GRID2: variants seen among roughly 807,000 people sequenced by gnomAD.
GRID2 encodes glutamate receptor ionotropic, delta-2.
Under a neutral mutation model 114.8 loss-of-function variants are expected in GRID2, and 33 were observed. The observed-to-expected ratio is 0.29, with a 90% CI of 0.22 to 0.38. The LOEUF (loss-of-function observed/expected upper bound fraction) is 0.38, where lower values mean the gene tolerates loss of function less well. Among genes scored for constraint, GRID2 ranks in the 10% least tolerant of loss-of-function variants. The probability of loss-of-function intolerance (pLI) is 1.00; values close to 1 mark genes in which losing one functional copy is unlikely to be tolerated. For missense variants in GRID2, 1,184 were observed against 1,257.7 expected, an observed-to-expected ratio of 0.94 and a Z score of 0.89; for synonymous variants, 505 against 449.9, an observed-to-expected ratio of 1.12 and a Z score of -1.55.
chr4:93,093,900 A>C (rs970197073), intron 3 of GRID2, among the ~76,000 whole-genome samples: 3 of 152,200 alleles, frequency 2.0e-5, no homozygotes, highest in Admixed American at 2.0e-4. Flanking sequence ...TAAGCAAGGC[A>C]CTTTCTGTTT....
In GRID2 at chr4:92,919,135, G is replaced by A. The variant is rs570417245; in HGVS notation, c.245-165860G>A. ...TTTTTCTAGATTTTCTAGTTTATTTGTGTAGAGGTGTTTATACTATTCTCT... is the reference window on the plus strand; with the variant it reads ...TTTTTCTAGATTTTCTAGTTTATTTATGTAGAGGTGTTTATACTATTCTCT... On this transcript the variant is annotated intron_variant, in intron 2 of 15. Transcript: ENST00000282020. Among the ~76,000 whole-genome samples, 12 of 152,236 alleles carry A rather than the reference G, an allele frequency of 7.9e-5. No homozygotes were observed. In the South Asian group the frequency reaches 2.3e-3, roughly 29 times the overall value.
In GRID2 at chr4:92,609,972, A is replaced by T. The variant is rs866248902; in HGVS notation, c.244+19686A>T. 3.3e-5 allele frequency among the ~76,000 whole-genome samples: 5 copies of T among 151,698 alleles called. No individual in the cohort carries two copies. The South Asian group carries it at 8.3e-4, about 25-fold the overall frequency. On this transcript the variant is annotated intron_variant, in intron 2 of 15. Transcript: ENST00000282020. ...CTATTATCTGTTACCATAATTTAAT[A>T]AACTTTTCATCCACAATGTTAAACT...
At chr4:93,071,833 A>G (rs550814692) in intron 2 of GRID2, among the ~76,000 whole-genome samples, 173 of 152,324 alleles carry the variant, frequency 1.1e-3, no homozygotes, top group African/African-American at 4.0e-3. Flanking sequence ...TGCCTGAATG[A>G]CAAAGCTGTC....
chr4:93,796,190 T>G (rs1162448331), intron 1 of GRID2, among the ~76,000 whole-genome samples: 2 of 152,018 alleles, frequency 1.3e-5, no homozygotes, highest in Non-Finnish European at 1.5e-5. Context: ...ACTATTTGAT[T>G]AGGTCAGACC....
At chr4:92,551,822 C>T (rs898497382) in intron 1 of GRID2, among the ~76,000 whole-genome samples, 1 of 151,956 alleles carries the variant, frequency 6.6e-6, no homozygotes, top group Non-Finnish European at 1.5e-5. Flanking sequence ...AGGGCCTCTA[C>T]TGGAAAGATG....
chr4:93,750,890 A>C (rs1578733365), intron 14 of GRID2, among the ~76,000 whole-genome samples: 1 of 152,202 alleles, frequency 6.6e-6, no homozygotes, highest in Admixed American at 6.5e-5. Flanking sequence ...ATAAGGATGA[A>C]ATATTATCTT....
At chr4:92,537,071 G>T (rs1341048737) in intron 1 of GRID2, among the ~76,000 whole-genome samples, 1 of 152,102 alleles carries the variant, frequency 6.6e-6, no homozygotes, top group Non-Finnish European at 1.5e-5. Flanking sequence ...AACCAAGCAT[G>T]AATTTACACT....
chr4:92,943,065 G>A lies in GRID2; in HGVS notation c.245-141930G>A, dbSNP rs1022456561. Among the ~76,000 whole-genome samples the A allele has an allele frequency of 6.6e-5, 10 of 152,014 alleles. No individual in the cohort carries two copies. In the East Asian group the frequency reaches 1.2e-3, roughly 18 times the overall value. On this transcript the variant is annotated intron_variant, in intron 2 of 15. Coordinates refer to ENST00000282020, the MANE Select transcript of GRID2 (RefSeq NM_001510.4). The stretch of plus-strand genomic sequence containing the variant: ...TATGTGTCTTGGAGTTGCTCTTCTC[G>A]AGGAGTATCTTTGTGGTGTTCTCTG...
intron 2 of GRID2, among the ~76,000 whole-genome samples, chr4:93,011,485 C>A (rs1224095335): frequency 1.3e-5 from 2 of 151,994 alleles, no homozygotes; most frequent in Non-Finnish European, 2.9e-5. Context: ...TTGGTTGGTT[C>A]CCCTGGAAAC....
At chr4:92,512,994 T>C (rs757968466) in intron 1 of GRID2, among the ~76,000 whole-genome samples, 22 of 151,988 alleles carry the variant, frequency 1.4e-4, no homozygotes, top group Non-Finnish European at 2.8e-4. Flanking sequence ...TCATAAAACA[T>C]AAGTACAAGA....
chr4:93,299,780 G>C (rs999766010), intron 8 of GRID2, among the ~76,000 whole-genome samples: 1 of 151,920 alleles, frequency 6.6e-6, no homozygotes, highest in African/African-American at 2.4e-5. Context: ...TTAAATCATT[G>C]AATTATTTTC....
intron 2 of GRID2, among the ~76,000 whole-genome samples, chr4:92,919,536 A>G (rs1348601501): frequency 1.3e-5 from 2 of 152,056 alleles, no homozygotes; most frequent in Non-Finnish European, 2.9e-5. Flanking sequence ...TGTCCCAGAG[A>G]TTCTGGTATG....
chr4:92,444,625 A>G (rs1052626007), intron 1 of GRID2, among the ~76,000 whole-genome samples: 9 of 152,232 alleles, frequency 5.9e-5, no homozygotes, highest in Non-Finnish European at 8.8e-5. Context: ...AGGGGTTGCA[A>G]TGGCTTGGCT....
intron 8 of GRID2, among the ~76,000 whole-genome samples, chr4:93,244,876 T>C (rs1414826917): frequency 3.3e-5 from 5 of 151,692 alleles, no homozygotes; most frequent in Non-Finnish European, 7.4e-5. Flanking sequence ...GTTTTATGTT[T>C]TCTTAAAGCA....
At chr4:92,458,249 G>A (rs1721314844) in intron 1 of GRID2, among the ~76,000 whole-genome samples, 1 of 152,158 alleles carries the variant, frequency 6.6e-6, no homozygotes, top group South Asian at 2.1e-4. Context: ...GGCACGGTGA[G>A]AACAAAAAGA....
rs1553916864 is a variant in GRID2, at chr4:92,688,037, C to CCTTTTTT, written c.244+97751_244+97752insCTTTTTT. 8.2e-3 allele frequency among the ~76,000 whole-genome samples: 366 copies of CCTTTTTT among 44,590 alleles called. 7 individuals carry two copies. Among genetic ancestry groups the CCTTTTTT allele is most frequent in the East Asian group, 0.014 (27 of 1,884 alleles). 29.3% of individuals were successfully genotyped at this position (44,590 alleles called of 152,430 possible). The stretch of plus-strand genomic sequence containing the variant: ...GCCACATTGGTTGACCCTTCTTCTT[C>CCTTTTTT]TTTTTTTTTTTTTTTTTTTTTTTTT... On this transcript the variant is annotated intron_variant, in intron 2 of 15. Transcript: ENST00000282020.
chr4:93,418,154 A>G (rs1767908981), intron 9 of GRID2, among the ~76,000 whole-genome samples: 1 of 151,802 alleles, frequency 6.6e-6, no homozygotes, highest in Admixed American at 6.6e-5. Context: ...ATTCACTCCT[A>G]CTTCTATTTC....
At chr4:93,797,372 GA>G (rs1561007284) in intron 1 of GRID2, among the ~76,000 whole-genome samples, 2 of 152,184 alleles carry the variant, frequency 1.3e-5, no homozygotes, top group East Asian at 3.9e-4. Flanking sequence ...GAGAACCTGC[GA>G]TGTGCTTGAG....
At chr4:92,729,499 C>T (rs559057810) in intron 2 of GRID2, among the ~76,000 whole-genome samples, 1 of 151,998 alleles carries the variant, frequency 6.6e-6, no homozygotes, top group Non-Finnish European at 1.5e-5. Context: ...TTCAAAGTCA[C>T]TTCTATGGGA....
Sources: gnomAD v4.1 joint callset for allele counts (sites outside exome capture counted in the v4.1 genomes callset) on GRCh38, gnomAD v4.1.1 for gene constraint, MANE v1.5 for transcripts, NCBI Gene and HGNC (gene_info 2026-07-23, HGNC 2026-07-21) for gene names.